Variants in PDZD9 observed in about 807,000 individuals in gnomAD.
PDZD9 encodes the protein PDZ domain containing 9, also known as PDZ domain-containing protein 9.
Under a neutral mutation model 16.3 loss-of-function variants are expected in PDZD9, and 13 were observed. That is an observed-to-expected ratio of 0.80 (90% CI 0.52 to 1.27). The LOEUF (loss-of-function observed/expected upper bound fraction) is 1.27, where lower values mean the gene tolerates loss of function less well. Among genes scored for constraint, PDZD9 ranks in the 50% most tolerant of loss-of-function variants. The pLI is 0.00. For synonymous variants in PDZD9, 120 were observed against 111.0 expected (o/e 1.08, Z -0.51); for missense variants, 288 against 310.9 (o/e 0.93, Z 0.55).
chr16:21,959,134 G>T, the PDZD9 span, among the ~76,000 whole-genome samples: 1 of 152,144 alleles, frequency 6.6e-6, no homozygotes, highest in Non-Finnish European at 1.5e-5. Flanking sequence ...AGGTGGTGGT[G>T]ACTGATAATT....
chr16:21,999,394 C>G, intron 1 of PDZD9: 1 of 179,128 alleles, frequency 5.6e-6, no homozygotes, highest in Non-Finnish European at 1.2e-5. Flanking sequence ...GTGGAGGAGG[C>G]AGCACTATGG....
At chr16:21,997,099 A>G (rs1445823155) in intron 1 of PDZD9, among the ~76,000 whole-genome samples, 1 of 152,196 alleles carries the variant, frequency 6.6e-6, no homozygotes, top group Non-Finnish European at 1.5e-5. Flanking sequence ...CTGGCATTAC[A>G]GGTGTGAGCC....
the PDZD9 span, chr16:21,971,406 CTT>C: frequency 3.8e-6 from 3 of 795,774 alleles, no homozygotes; most frequent in South Asian, 1.9e-5. Context: ...CAGGAAGACT[CTT>C]ATTTATTTTG....
At chr16:21,997,604 T>C (rs1899182868) in intron 1 of PDZD9, among the ~76,000 whole-genome samples, 1 of 152,028 alleles carries the variant, frequency 6.6e-6, no homozygotes, top group African/African-American at 2.4e-5. Context: ...AGTGGATGGA[T>C]CCAAAAAGCA....
chr16:21,980,466 T>G (rs1898690802), downstream of PDZD9: 8 of 1,482,126 alleles, frequency 5.4e-6, no homozygotes, highest in South Asian at 1.0e-4. Context: ...AGCTTTGATG[T>G]TCACAGCCCC....
At chr16:21,967,315 A>G in the PDZD9 span, among the ~76,000 whole-genome samples, 1 of 152,234 alleles carries the variant, frequency 6.6e-6, no homozygotes, top group African/African-American at 2.4e-5. Flanking sequence ...GTGATTCTCA[A>G]AACGTTATCA....
chr16:21,984,221 A>G lies in PDZD9; in HGVS notation c.*46T>C. ...GCAAACTTGTGCCTGGTGAGGCACA[A>G]AACTTGGGTGTCTGCAAGATAAATG... On this transcript the variant is annotated 3_prime_UTR_variant, in exon 4 of 4. Transcript: ENST00000424898. The G allele has an allele frequency of 2.6e-6, 4 of 1,556,968 alleles. No homozygotes were observed. Among genetic ancestry groups the G allele is most frequent in the Non-Finnish European group, 3.5e-6 (4 of 1,150,322 alleles).
chr16:21,976,784 A>G, the PDZD9 span: 1 of 152,192 alleles, frequency 6.6e-6, no homozygotes, highest in Non-Finnish European at 1.5e-5. Flanking sequence ...CATCCTTATT[A>G]TAGAAGTTTG....
At chr16:21,965,465 A>G in the PDZD9 span, 1 of 1,613,800 alleles carries the variant, frequency 6.2e-7, no homozygotes, top group Non-Finnish European at 8.5e-7. Context: ...AATCCCTTGT[A>G]TTGTCCTGAC....
intron 3 of PDZD9, among the ~76,000 whole-genome samples, chr16:21,984,976 G>A (rs190823841): frequency 5.3e-5 from 8 of 152,210 alleles, no homozygotes; most frequent in South Asian, 2.1e-4. Flanking sequence ...CTAAAGTGAC[G>A]GATTCAACCT....
At chr16:21,965,390 T>G in the PDZD9 span, 1 of 1,611,696 alleles carries the variant, frequency 6.2e-7, no homozygotes, top group Non-Finnish European at 8.5e-7. Context: ...CCTAAATGCT[T>G]CTTCACTTAT....
chr16:21,990,144 T>C (rs1181534173), intron 2 of PDZD9, among the ~76,000 whole-genome samples: 1 of 152,174 alleles, frequency 6.6e-6, no homozygotes, highest in African/African-American at 2.4e-5. Flanking sequence ...TTTTTTGCAA[T>C]GAGGAACCCT....
the PDZD9 span, chr16:21,965,446 G>A: frequency 3.1e-6 from 5 of 1,613,930 alleles, no homozygotes; most frequent in Middle Eastern, 1.7e-4. Context: ...TTACCGGAAT[G>A]CCTTGGCTAA....
downstream of PDZD9, chr16:21,980,721 CG>C (rs779094842): frequency 5.6e-6 from 9 of 1,611,482 alleles, no homozygotes; most frequent in Admixed American, 1.5e-4. Context: ...GAAAACTTAA[CG>C]ATTTAACAAC....
the PDZD9 span, among the ~76,000 whole-genome samples, chr16:21,972,348 G>A: frequency 6.6e-6 from 1 of 152,140 alleles, no homozygotes; most frequent in African/African-American, 2.4e-5. Flanking sequence ...AAGAGGAATT[G>A]AATGCTTAGA....
At chr16:21,986,173 T>G (rs1394681215) in intron 3 of PDZD9, among the ~76,000 whole-genome samples, 1 of 152,206 alleles carries the variant, frequency 6.6e-6, no homozygotes, top group African/African-American at 2.4e-5. Context: ...CATTTTCTCC[T>G]GGAAAAGTTT....
intron 3 of PDZD9, among the ~76,000 whole-genome samples, chr16:21,988,154 C>T (rs1020247427): frequency 4.0e-5 from 6 of 151,708 alleles, no homozygotes; most frequent in South Asian, 2.1e-4. Context: ...ATTACAGGCA[C>T]GCGCCACCAC....
downstream of PDZD9, chr16:21,983,205 GTTCT>G (rs768197959): frequency 2.0e-5 from 32 of 1,588,346 alleles, no homozygotes; most frequent in Admixed American, 4.9e-4. Flanking sequence ...AGAGCTGAAC[GTTCT>G]CTCAGCCCAG....
chr16:22,000,501 TG>T (rs1899266491), intron 1 of PDZD9, among the ~76,000 whole-genome samples: 1 of 151,920 alleles, frequency 6.6e-6, no homozygotes, highest in African/African-American at 2.4e-5. Flanking sequence ...TGGTTCAACG[TG>T]GGTATAGCTT....
Sources: allele counts gnomAD v4.1 joint callset (sites outside exome capture counted in the v4.1 genomes callset), GRCh38; gene constraint gnomAD v4.1.1; transcripts MANE v1.5; gene names NCBI Gene and HGNC (gene_info 2026-07-23, HGNC 2026-07-21).